KCTD9: variants seen among roughly 807,000 people sequenced by gnomAD.
KCTD9 encodes the protein BTB/POZ domain-containing protein KCTD9.
In KCTD9, 17 loss-of-function variants were observed where a neutral mutation model predicts 53.3. The ratio of observed to expected loss-of-function variants is 0.32; its 90% confidence interval spans 0.22 to 0.48. The LOEUF (loss-of-function observed/expected upper bound fraction) is 0.48, where lower values mean the gene tolerates loss of function less well. Ranked by LOEUF, KCTD9 falls within the 20% of genes least tolerant of loss-of-function variation. KCTD9 has a pLI of 0.99. For synonymous variants in KCTD9, 128 were observed against 162.7 expected (o/e 0.79, Z 1.62); for missense variants, 179 against 465.5 (o/e 0.38, Z 5.66).
rs1802510544 is a variant in KCTD9, at chr8:25,458,150, G to A, written c.48+49C>T. ...CCCGCCAGCCGGTTCCGCACCGTCC[G>A]CCCTCGCCCCGACCCCCGGCCCGCC... On this transcript the variant is annotated intron_variant, in intron 1 of 11. Coordinates refer to ENST00000221200, the MANE Select transcript of KCTD9 (RefSeq NM_017634.4). 5 of 1,499,136 alleles carry A rather than the reference G, an allele frequency of 3.3e-6. No homozygotes were observed. In the African/African-American group the frequency reaches 4.2e-5, roughly 12 times the overall value. 92.9% of individuals were successfully genotyped at this position (1,499,136 alleles called of 1,614,324 possible).
chr8:25,445,456 G>A (rs1052080540), intron 2 of KCTD9, among the ~76,000 whole-genome samples: 2 of 152,090 alleles, frequency 1.3e-5, no homozygotes, highest in African/African-American at 4.8e-5. Context: ...AAAAACTCAT[G>A]TTTTGCCAAT....
intron 11 of KCTD9, among the ~76,000 whole-genome samples, chr8:25,430,717 GA>G (rs1262812388): frequency 6.6e-6 from 1 of 152,018 alleles, no homozygotes; most frequent in Non-Finnish European, 1.5e-5. Context: ...TCTGATCTGT[GA>G]AAATATTTTC....
At position 25,432,594 on chromosome 8, in the gene KCTD9, T is replaced by C; in HGVS notation, c.963A>G (p.Thr321=). 7 of 1,613,580 alleles carry C rather than the reference T, an allele frequency of 4.3e-6. No individual in the cohort carries two copies. The highest frequency in any genetic ancestry group is 1.1e-5 in the South Asian group (1 of 91,014). The change falls in exon 11 of 12, where the codon ACA becomes ACG. Residue 321 remains threonine, a synonymous_variant. Coordinates refer to ENST00000221200, the MANE Select transcript of KCTD9 (RefSeq NM_017634.4). ...AGGTAGCCACTCTCAGGTTAATTCC[T>C]GTCATCTGACTTCCTTCCATATCCA... The part of the protein sequence containing the change: ...KGVDMEGSQM[T]GINLRVATLK...
Position 25,430,026 on chromosome 8 carries a change from T to C in KCTD9, c.1054-53A>G, listed in dbSNP as rs929239365. Reference sequence around the variant, plus strand: ...ATTCATGTGGAAATTTCAGGCCTTATCTATTTCTGCTCAAAATGATTTCTG... The same window carrying C: ...ATTCATGTGGAAATTTCAGGCCTTACCTATTTCTGCTCAAAATGATTTCTG... On this transcript the variant is annotated intron_variant, in intron 11 of 11. Transcript: ENST00000221200. The C allele has an allele frequency of 4.1e-6, 4 of 977,840 alleles. No individual in the cohort carries two copies. The East Asian group carries it at 7.2e-5, about 18-fold the overall frequency. The allele number at this position is 977,840 out of a possible 1,614,324, so 60.6% of individuals were successfully genotyped here. A position where few individuals can be genotyped will look rare whatever the true frequency, so the allele number is the denominator to read the frequency against.
At chr8:25,435,304 T>C in intron 9 of KCTD9, 59 bp downstream of exon 9, 1 of 1,233,894 alleles carries the variant, frequency 8.1e-7, no homozygotes, top group Non-Finnish European at 1.1e-6. Flanking sequence ...AAAGGCTCTT[T>C]GAGACTGTTC....
At chr8:25,430,255 A>G (rs1441048173) in intron 11 of KCTD9, among the ~76,000 whole-genome samples, 2 of 152,122 alleles carry the variant, frequency 1.3e-5, no homozygotes, top group African/African-American at 2.4e-5. Flanking sequence ...CATTGAAAAC[A>G]GGGGTCCCCA....
At chr8:25,437,125 G>A (rs1190222765) in intron 6 of KCTD9, among the ~76,000 whole-genome samples, 1 of 152,166 alleles carries the variant, frequency 6.6e-6, no homozygotes, top group Non-Finnish European at 1.5e-5. Flanking sequence ...TAAAACAAAC[G>A]TCATCCAAGG....
At chr8:25,454,518 A>G (rs7819740) in intron 1 of KCTD9, among the ~76,000 whole-genome samples, 63,350 of 152,036 alleles carry the variant, frequency 0.42, 13,795 homozygotes, top group African/African-American at 0.56. Context: ...GCAAGTCCCC[A>G]TTTCAATTTC....
chr8:25,442,169 T>C (rs1802134798), intron 3 of KCTD9, among the ~76,000 whole-genome samples: 1 of 152,120 alleles, frequency 6.6e-6, no homozygotes, highest in Non-Finnish European at 1.5e-5. Flanking sequence ...AATTTTAAAA[T>C]ACATACACTT....
chr8:25,440,742 A>C, intron 3 of KCTD9, 69 bp from the exon 4 acceptor site: 1 of 1,089,322 alleles, frequency 9.2e-7, no homozygotes, highest in Non-Finnish European at 1.4e-6. Flanking sequence ...GTAATGGCAT[A>C]ATTTTTTAAA....
At chr8:25,445,380 G>A (rs1802197207) in intron 2 of KCTD9, among the ~76,000 whole-genome samples, 1 of 152,084 alleles carries the variant, frequency 6.6e-6, no homozygotes. Context: ...TTTTGATCTA[G>A]ATTTATACAG....
At chr8:25,449,323 C>T (rs1397821588) in intron 1 of KCTD9, among the ~76,000 whole-genome samples, 1 of 152,198 alleles carries the variant, frequency 6.6e-6, no homozygotes, top group African/African-American at 2.4e-5. Flanking sequence ...CTGGCTCTTA[C>T]ATCTCAGTAT....
chr8:25,437,437 G>C (rs1802037402), intron 6 of KCTD9, among the ~76,000 whole-genome samples: 1 of 152,110 alleles, frequency 6.6e-6, no homozygotes, highest in South Asian at 2.1e-4. Context: ...CACTTTGGGA[G>C]GCTGAGGTGG....
intron 1 of KCTD9, among the ~76,000 whole-genome samples, chr8:25,456,754 C>T (rs1367450700): frequency 6.6e-6 from 1 of 151,948 alleles, no homozygotes; most frequent in African/African-American, 2.4e-5. Context: ...TAATTTTTGA[C>T]AACCAAATTG....
At chr8:25,449,796 TAGAC>T (rs963644029) in intron 1 of KCTD9, among the ~76,000 whole-genome samples, 3 of 151,880 alleles carry the variant, frequency 2.0e-5, no homozygotes, top group South Asian at 2.1e-4. Flanking sequence ...GTAGTTCTAT[TAGAC>T]AGTGCCATTT....
In KCTD9 at chr8:25,446,143, A is replaced by G. The variant is rs1437280497; in HGVS notation, c.156T>C (p.Asp52=). ...GTGAAGGTTACCTGATCAAAGCAAT[A>G]TCATCAATCAGTCCACCTTTCCCAT... ...VYNGKGGLID[D]IALIRDDDVL... The change falls in exon 2 of 12, where the codon GAT becomes GAC. Residue 52 remains aspartate, a synonymous_variant. Transcript: ENST00000221200. 6.2e-7 allele frequency: 1 copy of G among 1,613,716 alleles called. No individual in the cohort carries two copies. The highest frequency in any genetic ancestry group is 8.5e-7 in the Non-Finnish European group (1 of 1,179,846).
chr8:25,431,756 ATATC>A (rs1563244462), intron 11 of KCTD9, among the ~76,000 whole-genome samples: 1 of 152,202 alleles, frequency 6.6e-6, no homozygotes, highest in Non-Finnish European at 1.5e-5. Flanking sequence ...AGCTATCAAG[ATATC>A]TAGGCAAAAA....
intron 1 of KCTD9, among the ~76,000 whole-genome samples, chr8:25,449,949 T>C (rs1488277963): frequency 6.6e-6 from 1 of 152,150 alleles, no homozygotes; most frequent in Non-Finnish European, 1.5e-5. Context: ...ATTTAGAGGG[T>C]TGGGATGTTG....
chr8:25,442,202 C>G (rs749284056), intron 3 of KCTD9, among the ~76,000 whole-genome samples: 2 of 151,942 alleles, frequency 1.3e-5, no homozygotes, highest in Non-Finnish European at 2.9e-5. Context: ...TGAAAGGATC[C>G]ATCACATACT....
Sources: allele counts gnomAD v4.1 joint callset (sites outside exome capture counted in the v4.1 genomes callset), GRCh38; gene constraint gnomAD v4.1.1; transcripts MANE v1.5; gene names NCBI Gene and HGNC (gene_info 2026-07-23, HGNC 2026-07-21).